The following JDP2 variants were observed in gnomAD, a reference collection of about 807,000 sequenced individuals.
JDP2 encodes the protein Jun dimerization protein 2.
Under a neutral mutation model 17.1 loss-of-function variants are expected in JDP2, and 9 were observed. The ratio of observed to expected loss-of-function variants is 0.53; its 90% confidence interval spans 0.32 to 0.92. The LOEUF is 0.92. Among genes scored for constraint, JDP2 ranks in the 40% least tolerant of loss-of-function variants. The pLI is 0.04. For missense variants in JDP2, 179 were observed against 220.0 expected (o/e 0.81, Z 1.18); for synonymous variants, 107 against 95.6 (o/e 1.12, Z -0.69).
At chr14:75,465,510 T>C (rs1886534443) in intron 3 of JDP2, among the ~76,000 whole-genome samples, 2 of 152,166 alleles carry the variant, frequency 1.3e-5, no homozygotes, top group South Asian at 4.1e-4. Flanking sequence ...TCTGTTTTTT[T>C]GTAGAGACCG....
chr14:75,431,844 A>G (rs1884811866), intron 1 of JDP2, among the ~76,000 whole-genome samples: 1 of 152,262 alleles, frequency 6.6e-6, no homozygotes, highest in African/African-American at 2.4e-5. Flanking sequence ...CCCTCCAGGA[A>G]GGAAGGCCCT....
intron 2 of JDP2, among the ~76,000 whole-genome samples, chr14:75,458,336 A>G (rs1254896670): frequency 2.0e-5 from 3 of 151,992 alleles, no homozygotes; most frequent in African/African-American, 7.3e-5. Context: ...TCCACCCTCA[A>G]GTAGGCCCCA....
At chr14:75,454,774 C>T (rs554392071) in intron 2 of JDP2, among the ~76,000 whole-genome samples, 28 of 151,890 alleles carry the variant, frequency 1.8e-4, no homozygotes, top group African/African-American at 6.8e-4. Flanking sequence ...AAGAACTTGT[C>T]GTTTTGAGGG....
chr14:75,457,501 A>G (rs1374484122), intron 2 of JDP2, among the ~76,000 whole-genome samples: 1 of 152,254 alleles, frequency 6.6e-6, no homozygotes, highest in African/African-American at 2.4e-5. Flanking sequence ...CAGCTCTTAA[A>G]TAGCAGTGCG....
chr14:75,434,683 C>T (rs1884979814), intron 1 of JDP2, among the ~76,000 whole-genome samples: 1 of 152,116 alleles, frequency 6.6e-6, no homozygotes, highest in African/African-American at 2.4e-5. Context: ...CAAACAGAGC[C>T]TATCATTCCC....
At position 75,471,100 on chromosome 14, in the gene JDP2, G is replaced by C. The variant is rs1448857459; in HGVS notation, c.*1625G>C. Reference sequence around the variant, plus strand: ...TCTCCTCCTGTCACCAACCCACTATGATTGTCCTCATGGTTGAATAGGAAG... The same window carrying C: ...TCTCCTCCTGTCACCAACCCACTATCATTGTCCTCATGGTTGAATAGGAAG... On this transcript the variant is annotated 3_prime_UTR_variant, in exon 4 of 4. Coordinates refer to ENST00000651602, the MANE Select transcript of JDP2 (RefSeq NM_001135048.2). 1 of 151,826 alleles carries C rather than the reference G, an allele frequency of 6.6e-6. No homozygotes were observed. Among genetic ancestry groups the C allele is most frequent in the African/African-American group, 2.4e-5 (1 of 41,404 alleles). 9.4% of individuals were successfully genotyped at this position (151,826 alleles called of 1,614,324 possible).
At chr14:75,453,303 C>T (rs1387795756) in intron 2 of JDP2, among the ~76,000 whole-genome samples, 40 of 152,140 alleles carry the variant, frequency 2.6e-4, no homozygotes, top group Non-Finnish European at 4.4e-5. Flanking sequence ...AAATGTGGCT[C>T]CTCCATGCAG....
At chr14:75,435,193 G>T (rs1287218965) in intron 1 of JDP2, among the ~76,000 whole-genome samples, 1 of 152,230 alleles carries the variant, frequency 6.6e-6, no homozygotes, top group Non-Finnish European at 1.5e-5. Context: ...GCCTCCTAGC[G>T]TGGCAGGCTG....
intron 2 of JDP2, among the ~76,000 whole-genome samples, chr14:75,444,487 G>A (rs1201493225): frequency 6.6e-6 from 1 of 152,160 alleles, no homozygotes; most frequent in Non-Finnish European, 1.5e-5. Context: ...AGAGTTCTGG[G>A]CTTGGGTGCA....
chr14:75,461,503 G>C lies in JDP2; in HGVS notation c.279G>C (p.Lys93Asn), dbSNP rs770837529. 1 of 1,608,852 alleles carries C rather than the reference G, an allele frequency of 6.2e-7. No individual in the cohort carries two copies. The highest frequency in any genetic ancestry group is 8.5e-7 in the Non-Finnish European group (1 of 1,178,616). The change falls in exon 3 of 4, where the codon AAG becomes AAC. Residue 93 changes from lysine (K) to asparagine (N), a missense_variant. Lys to Asn is a moderately conservative substitution (Grantham distance 94). Coordinates refer to ENST00000651602, the MANE Select transcript of JDP2 (RefSeq NM_001135048.2). ...KVAAARCRNKKKERTEFLQRE... is the reference protein window; with the variant it reads ...KVAAARCRNKNKERTEFLQRE... ...CAGCAGCCCGATGCCGGAACAAGAA[G>C]AAGGAGCGCACGGAGTTTCTGCAGC...
At chr14:75,429,555 T>TA (rs1884698191) in intron 1 of JDP2, among the ~76,000 whole-genome samples, 1 of 152,122 alleles carries the variant, frequency 6.6e-6, no homozygotes, top group African/African-American at 2.4e-5. Context: ...CTGAGGGTTT[T>TA]AAAAAACACT....
intron 1 of JDP2, among the ~76,000 whole-genome samples, chr14:75,434,629 T>C (rs1884977824): frequency 6.6e-6 from 1 of 152,142 alleles, no homozygotes; most frequent in Non-Finnish European, 1.5e-5. Context: ...GATCATTTGT[T>C]AGTGTCTCAT....
At chr14:75,438,620 G>A (rs555951775) in intron 2 of JDP2, among the ~76,000 whole-genome samples, 1 of 152,344 alleles carries the variant, frequency 6.6e-6, no homozygotes, top group South Asian at 2.1e-4. Flanking sequence ...GAACTTGGAG[G>A]AAGAGTAGCG....
At position 75,432,241 on chromosome 14, in the gene JDP2, T is replaced by C. The variant is rs1884838365; in HGVS notation, c.-24+3989T>C. The C allele has an allele frequency of 3.6e-6, 5 of 1,386,146 alleles. 1 individual carries two copies. Among genetic ancestry groups the C allele is most frequent in the East Asian group, 2.5e-5 (1 of 40,108 alleles). The allele number at this position is 1,386,146 out of a possible 1,614,324, so 85.9% of individuals were successfully genotyped here. A position where few individuals can be genotyped will look rare whatever the true frequency, so the allele number is the denominator to read the frequency against. On this transcript the variant is annotated intron_variant, in intron 1 of 3. Transcript: ENST00000651602. ...CTCGACTTTTGGAAGCCGCGTGACC[T>C]ACGTCATTCAGATTCCAAGAGAGAG...
chr14:75,446,987 C>G (rs542990744), intron 2 of JDP2, among the ~76,000 whole-genome samples: 6 of 152,246 alleles, frequency 3.9e-5, no homozygotes, highest in African/African-American at 1.2e-4. Flanking sequence ...AGTGAAGAAG[C>G]CTTTTTTCCT....
intron 2 of JDP2, among the ~76,000 whole-genome samples, chr14:75,449,840 GTAA>G (rs963664190): frequency 6.6e-6 from 1 of 152,122 alleles, no homozygotes; most frequent in Non-Finnish European, 1.5e-5. Flanking sequence ...TCTCACTTTT[GTAA>G]TAACAGTGTT....
At chr14:75,433,945 T>A (rs1025489993) in intron 1 of JDP2, among the ~76,000 whole-genome samples, 1 of 152,190 alleles carries the variant, frequency 6.6e-6, no homozygotes, top group Admixed American at 6.5e-5. Context: ...TCAGACCTCC[T>A]GGGCCCTGAA....
intron 2 of JDP2, among the ~76,000 whole-genome samples, chr14:75,454,923 G>T (rs1200131208): frequency 2.0e-5 from 3 of 152,062 alleles, no homozygotes; most frequent in Non-Finnish European, 4.4e-5. Context: ...GCAAGCAGAG[G>T]AGCTGACTTG....
At chr14:75,444,438 A>G (rs913994697) in intron 2 of JDP2, among the ~76,000 whole-genome samples, 1 of 152,234 alleles carries the variant, frequency 6.6e-6, no homozygotes, top group Non-Finnish European at 1.5e-5. Context: ...GGGCACATCC[A>G]GGCTTCCTAA....
Sources: allele counts gnomAD v4.1 joint callset (sites outside exome capture counted in the v4.1 genomes callset), GRCh38; gene constraint gnomAD v4.1.1; transcripts MANE v1.5; gene names NCBI Gene and HGNC (gene_info 2026-07-23, HGNC 2026-07-21).